Variants in RDX observed in about 807,000 individuals in gnomAD.
RDX encodes deafness, autosomal recessive 24.
RDX carries 32 observed loss-of-function variants against 83.7 expected under a neutral mutation model. That is an observed-to-expected ratio of 0.38 (90% CI 0.29 to 0.51). The LOEUF is 0.51. RDX is among the 20% of genes least tolerant of loss of function. The probability of loss-of-function intolerance (pLI) is 0.87; values close to 1 mark genes in which losing one functional copy is unlikely to be tolerated. For missense variants in RDX, 600 were observed against 689.9 expected (o/e 0.87, Z 1.46); for synonymous variants, 229 against 222.7 (o/e 1.03, Z -0.25).
intron 15 of RDX, among the ~76,000 whole-genome samples, chr11:110,197,495 C>T (rs887693404): frequency 3.3e-5 from 5 of 152,234 alleles, no homozygotes; most frequent in African/African-American, 1.2e-4. Context: ...CTAGATAATT[C>T]AAAATCTCTT....
At chr11:110,216,056 A>C (rs1202257661) in intron 14 of RDX, among the ~76,000 whole-genome samples, 1 of 152,132 alleles carries the variant, frequency 6.6e-6, no homozygotes, top group African/African-American at 2.4e-5. Flanking sequence ...TTCTGGTAGC[A>C]ATGTTTTTGT....
chr11:110,190,547 CA>C (rs1282802838), intron 15 of RDX, among the ~76,000 whole-genome samples: 1 of 152,212 alleles, frequency 6.6e-6, no homozygotes, highest in East Asian at 1.9e-4. Flanking sequence ...ACTAGAAAAA[CA>C]AGAACAAACT....
At chr11:110,208,309 C>T (rs116857818) in intron 14 of RDX, among the ~76,000 whole-genome samples, 2 of 152,300 alleles carry the variant, frequency 1.3e-5, no homozygotes, top group South Asian at 4.1e-4. Flanking sequence ...GGCATTTATT[C>T]GGGAGGTTAA....
At chr11:110,277,304 CTTTT>C (rs1209949256) in intron 2 of RDX, among the ~76,000 whole-genome samples, 1 of 151,824 alleles carries the variant, frequency 6.6e-6, no homozygotes, top group Non-Finnish European at 1.5e-5. Flanking sequence ...TATTACCAGT[CTTTT>C]TTTTGTTGTT....
intron 14 of RDX, among the ~76,000 whole-genome samples, chr11:110,200,818 C>G (rs1033675994): frequency 2.6e-5 from 4 of 152,080 alleles, no homozygotes; most frequent in African/African-American, 9.7e-5. Flanking sequence ...TCAATAGTAC[C>G]TGAAATTTAA....
At chr11:110,241,516 C>T (rs998488474) in intron 10 of RDX, among the ~76,000 whole-genome samples, 2 of 152,118 alleles carry the variant, frequency 1.3e-5, no homozygotes, top group African/African-American at 2.4e-5. Context: ...AGGCTGGTCT[C>T]GAACTCCCGA....
At position 110,189,243 on chromosome 11, in the gene RDX, T is replaced by TAAAAAAAAAAAAAAAAAAA. The variant is rs35450797; in HGVS notation, c.*31+10319_*31+10337dup. 8.4e-3 allele frequency among the ~76,000 whole-genome samples: 299 copies of TAAAAAAAAAAAAAAAAAAA among 35,576 alleles called. 8 individuals carry two copies. The highest frequency in any genetic ancestry group is 0.012 in the Non-Finnish European group (196 of 15,746). The allele number at this position is 35,576 out of a possible 152,430, so 23.3% of individuals were successfully genotyped here. On this transcript the variant is annotated intron_variant, in intron 15 of 15. Transcript: ENST00000528498. ...AAACAAACTTTAAATGAACAACAGG[T>TAAAAAAAAAAAAAAAAAAA]AAAAAAAAAAAAAAAAAAAAAAAAA...
At chr11:110,217,270 G>A (rs1190392033) in intron 14 of RDX, among the ~76,000 whole-genome samples, 1 of 152,072 alleles carries the variant, frequency 6.6e-6, no homozygotes, top group Non-Finnish European at 1.5e-5. Flanking sequence ...GGTCGGGGAT[G>A]GTTAAATATC....
chr11:110,198,312 TATC>T (rs1863274323), intron 15 of RDX, among the ~76,000 whole-genome samples: 1 of 152,156 alleles, frequency 6.6e-6, no homozygotes, highest in Non-Finnish European at 1.5e-5. Flanking sequence ...AAAAACCTGT[TATC>T]ATGGTAATCA....
chr11:110,181,996 G>A (rs544726300), intron 15 of RDX, among the ~76,000 whole-genome samples: 14 of 152,142 alleles, frequency 9.2e-5, no homozygotes, highest in Non-Finnish European at 1.9e-4. Flanking sequence ...ACCCCTCCCT[G>A]TTCCTCCCTC....
chr11:110,218,683 C>T (rs1864142976), intron 14 of RDX, among the ~76,000 whole-genome samples: 1 of 152,238 alleles, frequency 6.6e-6, no homozygotes, highest in Non-Finnish European at 1.5e-5. Flanking sequence ...TCCCAGCACA[C>T]ACTCCACATC....
At chr11:110,267,736 G>A (rs76052946) in intron 3 of RDX, among the ~76,000 whole-genome samples, 17 of 151,974 alleles carry the variant, frequency 1.1e-4, no homozygotes, top group Non-Finnish European at 2.5e-4. Context: ...GGCCAAGGCA[G>A]GAGGAGCTCA....
chr11:110,272,553 T>C lies in RDX; in HGVS notation c.79A>G (p.Lys27Glu), dbSNP rs1860347816. The C allele has an allele frequency of 6.2e-7, 1 of 1,611,700 alleles. No homozygotes were observed. The highest frequency in any genetic ancestry group is 8.5e-7 in the Non-Finnish European group (1 of 1,178,728). ...TGTAATACCTGGTCAAAAAGTTGTT[T>C]GCCAGTTGTATTGGGCTGAATGGCA... ...EFAIQPNTTG[K>E]QLFDQVVKTV... is the part of the protein sequence containing the mutation. Residue 27 changes from lysine to glutamate, a missense_variant, in exon 3 of 14, where the codon AAA becomes GAA. Lys to Glu is a moderately conservative substitution (Grantham distance 56). Coordinates refer to ENST00000645495, the MANE Select transcript of RDX (RefSeq NM_002906.4).
chr11:110,243,336 CA>C (rs1429406440), intron 10 of RDX, among the ~76,000 whole-genome samples: 2 of 152,132 alleles, frequency 1.3e-5, no homozygotes, highest in Non-Finnish European at 2.9e-5. Context: ...GAATGGCTAA[CA>C]AAACCAAACC....
chr11:110,290,242 A>G (rs540394191), intron 1 of RDX, among the ~76,000 whole-genome samples: 1 of 152,218 alleles, frequency 6.6e-6, no homozygotes, highest in South Asian at 2.1e-4. Flanking sequence ...GACACTTAAC[A>G]GGCCAGGTGT....
At chr11:110,198,852 G>A (rs1269072859) in intron 15 of RDX, among the ~76,000 whole-genome samples, 2 of 149,986 alleles carry the variant, frequency 1.3e-5, no homozygotes, top group South Asian at 2.1e-4. Flanking sequence ...GAGTCTCGCT[G>A]TCATCCAGGA....
At position 110,235,977 on chromosome 11, in the gene RDX, A is replaced by G. The variant is rs1424360289; in HGVS notation, c.1344+122T>C. On this transcript the variant is annotated intron_variant, in intron 12 of 13. Transcript: ENST00000645495. ...CTGTAGATAGATATTTACAATACAC[A>G]TAACACGAGTATCTTTCCCACTCTA... 4.9e-5 allele frequency: 36 copies of G among 741,660 alleles called. No individual in the cohort carries two copies. The East Asian group carries it at 8.7e-4, about 18-fold the overall frequency. The allele number at this position is 741,660 out of a possible 1,614,324, so 45.9% of individuals were successfully genotyped here. A position where few individuals can be genotyped will look rare whatever the true frequency, so the allele number is the denominator to read the frequency against.
At chr11:110,258,221 A>G in intron 5 of RDX, 32 bp from the exon 6 acceptor site, 3 of 1,386,382 alleles carry the variant, frequency 2.2e-6, no homozygotes, top group Non-Finnish European at 3.0e-6. Flanking sequence ...AAAAATTATA[A>G]TGACTTTAAG....
At position 110,233,260 on chromosome 11, in the gene RDX, C is replaced by T. The variant is rs753458211; in HGVS notation, c.1564G>A (p.Glu522Lys). 2 of 1,613,484 alleles carry T rather than the reference C, an allele frequency of 1.2e-6. No individual in the cohort carries two copies. The highest frequency in any genetic ancestry group is 2.2e-5 in the East Asian group (1 of 44,882). Residue 522 changes from glutamate to lysine, a missense_variant, in exon 13 of 14, where the codon GAG (glutamate) becomes AAG (lysine). Transcript: ENST00000645495. ...ACCTGAAGTTGCTTCTTAACACGCTCATTTTTCTGTGTTTCGGTTACACGT... is the reference window on the plus strand; with the variant it reads ...ACCTGAAGTTGCTTCTTAACACGCTTATTTTTCTGTGTTTCGGTTACACGT... ...EERVTETQKN[E>K]RVKKQLQALS...
Sources: gnomAD v4.1 joint callset for allele counts (sites outside exome capture counted in the v4.1 genomes callset) on GRCh38, gnomAD v4.1.1 for gene constraint, MANE v1.5 for transcripts, NCBI Gene and HGNC (gene_info 2026-07-23, HGNC 2026-07-21) for gene names.